PDE10A: variants seen among roughly 807,000 people sequenced by gnomAD.
PDE10A encodes cAMP and cAMP-inhibited cGMP 3',5'-cyclic phosphodiesterase 10A.
PDE10A carries 39 observed loss-of-function variants against 97.7 expected under a neutral mutation model. That is an observed-to-expected ratio of 0.40 (90% CI 0.31 to 0.52). The LOEUF (loss-of-function observed/expected upper bound fraction) is 0.52. PDE10A is among the 20% of genes least tolerant of loss of function. The pLI is 0.56. For synonymous variants in PDE10A, 371 were observed against 376.8 expected (o/e 0.98, Z 0.18); for missense variants, 731 against 1,047.8 (o/e 0.70, Z 4.17).
chr6:165,686,431 T>C (rs1005078169), intron 1 of PDE10A, among the ~76,000 whole-genome samples: 2 of 152,316 alleles, frequency 1.3e-5, no homozygotes, highest in East Asian at 3.9e-4. Flanking sequence ...CTCTTTTACT[T>C]TCCGCCTTCA....
chr6:165,433,109 A>C lies in PDE10A; in HGVS notation c.1356T>G (p.Gly452=). 1 of 1,610,582 alleles carries C rather than the reference A, an allele frequency of 6.2e-7. No individual in the cohort carries two copies. The highest frequency in any genetic ancestry group is 8.5e-7 in the Non-Finnish European group (1 of 1,178,472). The change falls in exon 7 of 22, where the codon GGT becomes GGG. Residue 452 remains glycine (G), a synonymous_variant. Coordinates refer to ENST00000539869, the MANE Select transcript of PDE10A (RefSeq NM_001385079.1). ...TACGAGTCCCTGATTCCAGTCCAGTACCTCTTGGAAATCGTTCATCCTGAA... is the reference window on the plus strand; with the variant it reads ...TACGAGTCCCTGATTCCAGTCCAGTCCCTCTTGGAAATCGTTCATCCTGAA... ...DILGDERFPR[G]TGLESGTRIQ... is the part of the protein sequence containing the mutation.
In PDE10A at chr6:165,369,754, G is replaced by C. The variant is rs541263580; in HGVS notation, c.2783+9440C>G. Among the ~76,000 whole-genome samples, 1,053 of 144,346 alleles carry C rather than the reference G, an allele frequency of 7.3e-3. 6 individuals carry two copies. The highest frequency in any genetic ancestry group is 0.048 in the Middle Eastern group (14 of 292). 94.7% of individuals were successfully genotyped at this position (144,346 alleles called of 152,430 possible). ...GCCACAAAGATACTCCTCGAGAAGA[G>C]CAACTCCAAGACACATAATTGTCAG... is the stretch of plus-strand genomic sequence containing the variant. On this transcript the variant is annotated intron_variant, in intron 18 of 21. Coordinates refer to ENST00000539869, the MANE Select transcript of PDE10A (RefSeq NM_001385079.1).
At chr6:165,354,428 CA>C (rs1481178667) in intron 18 of PDE10A, among the ~76,000 whole-genome samples, 1 of 152,084 alleles carries the variant, frequency 6.6e-6, no homozygotes, top group Non-Finnish European at 1.5e-5. Context: ...TTCTTTTGAA[CA>C]TGAATTGTCC....
chr6:165,436,470 A>T (rs1267076080), intron 5 of PDE10A, among the ~76,000 whole-genome samples: 3 of 152,188 alleles, frequency 2.0e-5, no homozygotes, highest in East Asian at 1.9e-4. Context: ...ACAAGGAGGA[A>T]GGGAGAGAAA....
chr6:165,853,497 G>C (rs138009777), intron 1 of PDE10A, among the ~76,000 whole-genome samples: 1 of 152,258 alleles, frequency 6.6e-6, no homozygotes, highest in East Asian at 1.9e-4. Context: ...CTTTATATCA[G>C]AGTCATTCAC....
At chr6:165,680,272 A>G (rs1442268162) in intron 1 of PDE10A, among the ~76,000 whole-genome samples, 2 of 152,214 alleles carry the variant, frequency 1.3e-5, no homozygotes, top group African/African-American at 4.8e-5. Context: ...GCGGAATTCA[A>G]TATGTTGCAG....
At chr6:165,955,414 G>A (rs950408034) in intron 1 of PDE10A, among the ~76,000 whole-genome samples, 7 of 152,100 alleles carry the variant, frequency 4.6e-5, no homozygotes, top group African/African-American at 9.7e-5. Context: ...TTCCTGAAAC[G>A]TGGAAGTGAC....
chr6:165,736,357 G>A, intron 1 of PDE10A, among the ~76,000 whole-genome samples: 1 of 152,162 alleles, frequency 6.6e-6, no homozygotes, highest in East Asian at 1.9e-4. Flanking sequence ...CTTCTGTAGA[G>A]CACAGAAGTA....
chr6:165,833,029 C>G (rs571727663), intron 1 of PDE10A, among the ~76,000 whole-genome samples: 2 of 152,234 alleles, frequency 1.3e-5, no homozygotes, highest in Non-Finnish European at 2.9e-5. Flanking sequence ...TTAACACCAT[C>G]AAGAATCGTA....
rs942779764 is a variant in PDE10A, at chr6:165,662,117, C to T, written c.695G>A (p.Gly232Asp). 2 of 980,684 alleles carry T rather than the reference C, an allele frequency of 2.0e-6. No individual in the cohort carries two copies. Among genetic ancestry groups the T allele is most frequent in the African/African-American group, 1.8e-5 (1 of 56,286 alleles). The allele number at this position is 980,684 out of a possible 1,614,324, so 60.7% of individuals were successfully genotyped here. The change falls in exon 1 of 22, where the codon GGC becomes GAC. Residue 232 changes from glycine (G) to aspartate (D), a missense_variant. By Grantham distance (94) the Gly-to-Asp change is moderately conservative. This residue lies in a region of PDE10A where 181 missense variants were observed against 159.1 expected (regional missense o/e 1.14). Coordinates refer to ENST00000539869, the MANE Select transcript of PDE10A (RefSeq NM_001385079.1). Reference protein sequence around the residue: ...GQAARRAGSPGFPGAGPGGGG... With the variant: ...GQAARRAGSPDFPGAGPGGGG... Reference sequence around the variant, plus strand: ...GCCGCCTGGGCCGGCGCCGGGGAAGCCGGGGGAGCCCGCGCGGCGGGCGGC... The same window carrying T: ...GCCGCCTGGGCCGGCGCCGGGGAAGTCGGGGGAGCCCGCGCGGCGGGCGGC...
intron 1 of PDE10A, among the ~76,000 whole-genome samples, chr6:165,736,538 G>T (rs1792579468): frequency 6.6e-6 from 1 of 152,068 alleles, no homozygotes; most frequent in Non-Finnish European, 1.5e-5. Context: ...GGCCTCCCAA[G>T]CTCCAGCCCC....
At chr6:165,950,092 A>G (rs1783906191) in intron 1 of PDE10A, among the ~76,000 whole-genome samples, 1 of 152,208 alleles carries the variant, frequency 6.6e-6, no homozygotes, top group Non-Finnish European at 1.5e-5. Context: ...TGACTGCTTT[A>G]TCATTGTTAG....
At position 165,403,207 on chromosome 6, in the gene PDE10A, T is replaced by C. The variant is rs547918197; in HGVS notation, c.2077-6748A>G. Among the ~76,000 whole-genome samples the C allele has an allele frequency of 2.5e-3, 378 of 152,318 alleles. 3 individuals carry two copies. Among genetic ancestry groups the C allele is most frequent in the Non-Finnish European group, 5.3e-4 (36 of 68,022 alleles). On this transcript the variant is annotated intron_variant, in intron 13 of 21. Coordinates refer to ENST00000539869, the MANE Select transcript of PDE10A (RefSeq NM_001385079.1). The stretch of plus-strand genomic sequence containing the variant: ...CGCTATCAGCAACCGTTATCTTAGA[T>C]GGGTATCAGCACTGTGTTGCCACAT...
In PDE10A at chr6:165,327,574, GT is replaced by G. The variant is rs1239694097; in HGVS notation, c.*5450del. 1 of 152,088 alleles carries G rather than the reference GT, an allele frequency of 6.6e-6. No homozygotes were observed. Among genetic ancestry groups the G allele is most frequent in the Non-Finnish European group, 1.5e-5 (1 of 67,992 alleles). The allele number at this position is 152,088 out of a possible 1,614,324, so 9.4% of individuals were successfully genotyped here. On this transcript the variant is annotated 3_prime_UTR_variant, in exon 22 of 22. Coordinates refer to ENST00000539869, the MANE Select transcript of PDE10A (RefSeq NM_001385079.1). ...CTATTATACAAACATAACAGTAAAT[GT>G]TTTTTAAATACAAAGACTGCAAATG... is the stretch of plus-strand genomic sequence containing the variant.
intron 3 of PDE10A, among the ~76,000 whole-genome samples, chr6:165,468,387 C>T (rs989567922): frequency 6.6e-6 from 1 of 152,002 alleles, no homozygotes; most frequent in Non-Finnish European, 1.5e-5. Context: ...TGCACCTGGG[C>T]ATTATTTTTA....
chr6:165,349,161 G>A (rs993149461), intron 18 of PDE10A, among the ~76,000 whole-genome samples: 2 of 152,160 alleles, frequency 1.3e-5, no homozygotes, highest in African/African-American at 4.8e-5. Flanking sequence ...TCAGAAGGCA[G>A]GAAAATATGG....
chr6:165,703,032 C>T (rs1437191428), intron 1 of PDE10A, among the ~76,000 whole-genome samples: 1 of 152,182 alleles, frequency 6.6e-6, no homozygotes, highest in Non-Finnish European at 1.5e-5. Context: ...AAACACGATT[C>T]GGCATCTCTT....
chr6:165,528,925 G>A (rs1045736730), intron 2 of PDE10A, among the ~76,000 whole-genome samples: 7 of 152,194 alleles, frequency 4.6e-5, no homozygotes, highest in African/African-American at 1.7e-4. Flanking sequence ...ATATGGTACT[G>A]TTTCTCCCAT....
Position 165,610,976 on chromosome 6 carries a change from C to A in PDE10A, c.865+50971G>T, listed in dbSNP as rs79768646. Among the ~76,000 whole-genome samples the A allele has an allele frequency of 4.1e-3, 623 of 152,014 alleles. 13 individuals are homozygous for A. The highest frequency in any genetic ancestry group is 0.038 in the East Asian group (193 of 5,100). On this transcript the variant is annotated intron_variant, in intron 1 of 21. Coordinates refer to ENST00000539869, the MANE Select transcript of PDE10A (RefSeq NM_001385079.1). The stretch of plus-strand genomic sequence containing the variant: ...TAGTCTACCTTAAAAGCCTTCCAAT[C>A]GGGAGAGTTGCGAGTCTACGTCAGC...
Sources: gnomAD v4.1 joint callset for allele counts (sites outside exome capture counted in the v4.1 genomes callset) on GRCh38, gnomAD v4.1.1 for gene constraint, gnomAD v4.1.1 regional missense constraint, MANE v1.5 for transcripts, NCBI Gene and HGNC (gene_info 2026-07-23, HGNC 2026-07-21) for gene names.